TRMT44: variants seen among roughly 807,000 people sequenced by gnomAD.
The protein encoded by TRMT44 is tRNA methyltransferase 44 homolog.
Under a neutral mutation model 77.3 loss-of-function variants are expected in TRMT44, and 78 were observed. That is an observed-to-expected ratio of 1.01 (90% CI 0.84 to 1.22). TRMT44 has a LOEUF of 1.22. TRMT44 is among the 50% of genes most tolerant of loss of function. The pLI, the probability that TRMT44 is intolerant of heterozygous loss-of-function variation, is 0.00. For synonymous variants in TRMT44, 391 were observed against 383.3 expected (o/e 1.02, Z -0.23); for missense variants, 1,090 against 964.4 (o/e 1.13, Z -1.73).
At position 8,476,193 on chromosome 4, in the gene TRMT44, G is replaced by T. The variant is rs1727373192; in HGVS notation, c.*192G>T. 2 of 612,228 alleles carry T rather than the reference G, an allele frequency of 3.3e-6. No individual in the cohort carries two copies. Among genetic ancestry groups the T allele is most frequent in the African/African-American group, 1.8e-5 (1 of 54,076 alleles). 37.9% of individuals were successfully genotyped at this position (612,228 alleles called of 1,614,324 possible). Reference sequence around the variant, plus strand: ...CCAGAGAAGCCACAGTTACTCGGAAGCCCCCAGCTGACTGCCTGGCTTGTT... The same window carrying T: ...CCAGAGAAGCCACAGTTACTCGGAATCCCCCAGCTGACTGCCTGGCTTGTT... On this transcript the variant is annotated 3_prime_UTR_variant, in exon 11 of 11. Coordinates refer to ENST00000389737, the MANE Select transcript of TRMT44 (RefSeq NM_152544.3).
At position 8,440,956 on chromosome 4, in the gene TRMT44, C is replaced by G. The variant is rs778350913; in HGVS notation, c.134C>G (p.Ala45Gly). ...NKRLCGARLE[A>G]RWSAALPCAE... The stretch of plus-strand genomic sequence containing the variant: ...CGGCTTTGCGGCGCCCGCCTGGAGG[C>G]CCGCTGGAGCGCCGCCCTGCCCTGC... The change falls in exon 1 of 11, where the codon GCC becomes GGC. Residue 45 changes from alanine (A) to glycine (G), a missense_variant. Transcript: ENST00000389737. 4.5e-5 allele frequency: 69 copies of G among 1,528,884 alleles called. No homozygotes were observed. Among genetic ancestry groups the G allele is most frequent in the Admixed American group, 3.9e-5 (2 of 50,658 alleles). 94.7% of individuals were successfully genotyped at this position (1,528,884 alleles called of 1,614,324 possible).
rs567845654 is a variant in TRMT44, at chr4:8,489,000, C to T, written n.3892-4266C>T. On this transcript the variant is annotated intron_variant and non_coding_transcript_variant, in intron 2 of 2. Transcript: ENST00000511366. ...TGAAAGGAACTGTGTTACCTGGCAA[C>T]GCAGAAGGGATGAAAATCACCAGTA... is the stretch of plus-strand genomic sequence containing the variant. 1.4e-4 allele frequency among the ~76,000 whole-genome samples: 21 copies of T among 152,334 alleles called. No homozygotes were observed. The South Asian group carries it at 2.3e-3, about 17-fold the overall frequency.
At chr4:8,464,816 A>G (rs1726416801) in intron 7 of TRMT44, among the ~76,000 whole-genome samples, 2 of 152,222 alleles carry the variant, frequency 1.3e-5, no homozygotes, top group Admixed American at 6.5e-5. Context: ...ATGTTGCTTT[A>G]TTTCTAGAAA....
At chr4:8,443,470 C>A (rs1033608836) in intron 1 of TRMT44, among the ~76,000 whole-genome samples, 2 of 152,230 alleles carry the variant, frequency 1.3e-5, no homozygotes, top group Non-Finnish European at 2.9e-5. Flanking sequence ...GAATTTTGGT[C>A]TTGCCAATTA....
chr4:8,507,690 C>T, the TRMT44 span, among the ~76,000 whole-genome samples: 3 of 152,192 alleles, frequency 2.0e-5, no homozygotes, highest in African/African-American at 4.8e-5. Context: ...GGGTCCTGCC[C>T]CTGGTCACCT....
the TRMT44 span, among the ~76,000 whole-genome samples, chr4:8,512,955 C>T: frequency 1.3e-4 from 20 of 152,264 alleles, no homozygotes; most frequent in Non-Finnish European, 2.4e-4. Context: ...CTCTCTCGCC[C>T]GGGCTGGAGT....
downstream of TRMT44, chr4:8,476,661 T>A (rs959636572): frequency 6.6e-5 from 10 of 152,458 alleles, no homozygotes; most frequent in African/African-American, 2.4e-4. Flanking sequence ...TACACCTTCC[T>A]CCCTCCTCCA....
the TRMT44 span, among the ~76,000 whole-genome samples, chr4:8,505,798 G>C: frequency 6.6e-6 from 1 of 152,306 alleles, no homozygotes; most frequent in African/African-American, 2.4e-5. Context: ...TGGATCACAG[G>C]GGCGGTTTCC....
downstream of TRMT44, among the ~76,000 whole-genome samples, chr4:8,497,743 A>G (rs924491731): frequency 6.6e-6 from 1 of 152,232 alleles, no homozygotes; most frequent in Non-Finnish European, 1.5e-5. Context: ...CTTAAAATAA[A>G]CAATCCTCCT....
rs578141484 is a variant in TRMT44, at chr4:8,461,140, G to A, written c.1204-2845G>A. On this transcript the variant is annotated intron_variant, in intron 6 of 10. Coordinates refer to ENST00000389737, the MANE Select transcript of TRMT44 (RefSeq NM_152544.3). This position sits in a 1 kb window ranked among gnomAD's most constrained non-coding sequence, Gnocchi z 4.6. ...GGCTGGGATGACAATGAGCCGCTGC[G>A]CCGGGCCAGGGTGCTTACTCTTTGC... is the stretch of plus-strand genomic sequence containing the variant. 7.8e-4 allele frequency among the ~76,000 whole-genome samples: 118 copies of A among 152,216 alleles called. No individual in the cohort carries two copies. The highest frequency in any genetic ancestry group is 1.4e-3 in the Non-Finnish European group (93 of 68,002).
the TRMT44 span, chr4:8,508,765 G>A: frequency 3.3e-5 from 5 of 152,344 alleles, no homozygotes; most frequent in African/African-American, 9.6e-5. Flanking sequence ...TGGTCTGTTG[G>A]GTTTGGGGTG....
At position 8,446,850 on chromosome 4, in the gene TRMT44, C is replaced by T. The variant is rs1028661313; in HGVS notation, c.734+260C>T. Among the ~76,000 whole-genome samples, 8 of 152,086 alleles carry T rather than the reference C, an allele frequency of 5.3e-5. No individual in the cohort carries two copies. Among genetic ancestry groups the T allele is most frequent in the African/African-American group, 1.9e-4 (8 of 41,392 alleles). On this transcript the variant is annotated intron_variant, in intron 2 of 10. Transcript: ENST00000389737. The surrounding 1 kb of genome is among the most constrained non-coding windows in gnomAD (Gnocchi z 4.3). Reference sequence around the variant, plus strand: ...GGCTGTGATGATCAGCAGCCCTTAGCATTAGCTCTGAAGTCAAACTCAAAT... The same window carrying T: ...GGCTGTGATGATCAGCAGCCCTTAGTATTAGCTCTGAAGTCAAACTCAAAT...
chr4:8,494,705 G>A (rs542998759), downstream of TRMT44, among the ~76,000 whole-genome samples: 16 of 152,278 alleles, frequency 1.1e-4, no homozygotes, highest in South Asian at 1.5e-3. Flanking sequence ...CTGTGTTATG[G>A]GTGTGTCCTT....
intron 2 of TRMT44, among the ~76,000 whole-genome samples, chr4:8,490,152 C>T (rs114686153): frequency 0.012 from 1,901 of 152,202 alleles, 46 homozygotes; most frequent in African/African-American, 0.041. Context: ...AGCAGGCACC[C>T]GTTCCTTGGC....
chr4:8,465,647 G>A (rs1169288692), intron 8 of TRMT44, 86 bp downstream of exon 8: 1 of 1,226,124 alleles, frequency 8.2e-7, no homozygotes, highest in African/African-American at 1.5e-5. Context: ...CATGAACCAT[G>A]CTGTAACGTT....
chr4:8,460,774 G>T (rs1726102289), intron 6 of TRMT44, among the ~76,000 whole-genome samples: 1 of 152,126 alleles, frequency 6.6e-6, no homozygotes, highest in African/African-American at 2.4e-5. Context: ...GGCTGATCTG[G>T]CTCTGGCCTC....
chr4:8,447,805 A>G (rs898065859), intron 2 of TRMT44, among the ~76,000 whole-genome samples: 7 of 152,204 alleles, frequency 4.6e-5, no homozygotes, highest in Non-Finnish European at 8.8e-5. Context: ...GAGTGAGAGC[A>G]GACACTAGGA....
chr4:8,447,482 C>T (rs1344703604), intron 2 of TRMT44, among the ~76,000 whole-genome samples: 3 of 152,074 alleles, frequency 2.0e-5, no homozygotes, highest in South Asian at 2.1e-4. Context: ...TGAGTTTGCC[C>T]GGGGCTTCCT....
rs1344644648 is a variant in TRMT44, at chr4:8,476,259, C to T, written c.*258C>T. The stretch of plus-strand genomic sequence containing the variant: ...TGAAACGTGCGCAGCATCTTCATAT[C>T]ATAAAGATTGTGCACGGATCCTTAC... On this transcript the variant is annotated 3_prime_UTR_variant, in exon 11 of 11. Transcript: ENST00000389737. 4 of 545,420 alleles carry T rather than the reference C, an allele frequency of 7.3e-6. No homozygotes were observed. In the Admixed American group the frequency reaches 9.8e-5, roughly 13 times the overall value. 33.8% of individuals were successfully genotyped at this position (545,420 alleles called of 1,614,324 possible).
Sources: allele counts gnomAD v4.1 joint callset (sites outside exome capture counted in the v4.1 genomes callset), GRCh38; gene constraint gnomAD v4.1.1; non-coding constraint Gnocchi (gnomAD v3.1); transcripts MANE v1.5; gene names NCBI Gene and HGNC (gene_info 2026-07-23, HGNC 2026-07-21).